MAST3: variants seen among roughly 807,000 people sequenced by gnomAD.
MAST3 encodes the protein microtubule-associated serine/threonine-protein kinase 3.
A neutral mutation model predicts 127.0 loss-of-function variants in MAST3; 43 were observed. The ratio of observed to expected loss-of-function variants is 0.34; its 90% CI spans 0.27 to 0.44. MAST3 has a LOEUF of 0.44. Among genes scored for constraint, MAST3 ranks in the 20% least tolerant of loss-of-function variants. The pLI is 1.00. For synonymous variants in MAST3, 785 were observed against 809.2 expected, an observed-to-expected ratio of 0.97 and a Z score of 0.51; for missense variants, 1,390 against 1,919.1, an observed-to-expected ratio of 0.72 and a Z score of 5.15.
chr19:18,102,179 C>CACCTTTTTTTT (rs2037690255), intron 1 of MAST3, among the ~76,000 whole-genome samples: 1 of 144,662 alleles, frequency 6.9e-6, no homozygotes, highest in Admixed American at 6.9e-5. Context: ...TGCGCCTGGC[C>CACCTTTTTTTT]TTTTTTTTTT....
intron 3 of MAST3, among the ~76,000 whole-genome samples, chr19:18,121,000 T>C (rs273480): frequency 0.94 from 142,678 of 152,200 alleles, 66,903 homozygotes; most frequent in East Asian, 0.96. Flanking sequence ...GGATTACAGG[T>C]GTGAGTCACC....
chr19:18,105,694 A>C (rs942849786), intron 1 of MAST3, among the ~76,000 whole-genome samples: 1 of 151,292 alleles, frequency 6.6e-6, no homozygotes, highest in African/African-American at 2.4e-5. Context: ...AAACAACAAC[A>C]AAAAAAAACC....
chr19:18,144,885 C>A lies in MAST3; in HGVS notation c.2813-118C>A. The A allele has an allele frequency of 1.2e-6, 1 of 860,244 alleles. No homozygotes were observed. The highest frequency in any genetic ancestry group is 1.9e-6 in the Non-Finnish European group (1 of 535,944). 53.3% of individuals were successfully genotyped at this position (860,244 alleles called of 1,614,324 possible). Reference sequence around the variant, plus strand: ...ACGTGCAAAGGCCTGGTGGGGTGACCATGCTTGGGACATTGAAGCAACAGC... The same window carrying A: ...ACGTGCAAAGGCCTGGTGGGGTGACAATGCTTGGGACATTGAAGCAACAGC... On this transcript the variant is annotated intron_variant, in intron 23 of 27. Coordinates refer to ENST00000687212, the MANE Select transcript of MAST3 (RefSeq NM_001393504.1). This position sits in a 1 kb window ranked among gnomAD's most constrained non-coding sequence, Gnocchi z 4.0.
chr19:18,127,790 T>C (rs910298990), intron 11 of MAST3, among the ~76,000 whole-genome samples: 7 of 152,012 alleles, frequency 4.6e-5, no homozygotes, highest in Non-Finnish European at 7.4e-5. Context: ...ACCCAAGAGG[T>C]GGAGGTTGCA....
chr19:18,136,161 T>G (rs996759277), intron 18 of MAST3, among the ~76,000 whole-genome samples: 1 of 152,192 alleles, frequency 6.6e-6, no homozygotes, highest in Non-Finnish European at 1.5e-5. Context: ...CCCAGCCACC[T>G]GGTTAATCAT....
chr19:18,124,578 C>T (rs1450637635), intron 10 of MAST3, 64 bp from the exon 11 acceptor site: 3 of 1,505,704 alleles, frequency 2.0e-6, no homozygotes, highest in Non-Finnish European at 2.7e-6. Context: ...GCAGAGGGAA[C>T]AGCATGTGCA....
chr19:18,143,508 A>T (rs1406154733), intron 21 of MAST3, among the ~76,000 whole-genome samples: 1 of 152,082 alleles, frequency 6.6e-6, no homozygotes, highest in Non-Finnish European at 1.5e-5. Context: ...CCCTGGAGGC[A>T]GTGGTTGTAG....
rs571989167 is a variant in MAST3 at position 18,119,528 on chromosome 19, T to C, written c.162-2157T>C. ...CAGTCTGGAAAATGGGCTCAGCTGG[T>C]CATTCCCAACTCTGGGGCTTGTTGG... On this transcript the variant is annotated intron_variant, in intron 3 of 27. Transcript: ENST00000687212. Among the ~76,000 whole-genome samples the C allele has an allele frequency of 4.6e-5, 7 of 152,354 alleles. No homozygotes were observed. The East Asian group carries it at 9.6e-4, about 21-fold the overall frequency.
chr19:18,097,867 G>A, intron 1 of MAST3, 36 bp downstream of exon 1: 3 of 1,227,710 alleles, frequency 2.4e-6, no homozygotes, highest in Non-Finnish European at 2.0e-6. Context: ...AAGGCAGAGG[G>A]CGCGGCCAAG....
In MAST3 at chr19:18,123,291, C is replaced by T. The variant is rs764116881; in HGVS notation, c.474C>T (p.Ser158=). ...QPTPDELHFL[S]KHFRSSENVL... is the part of the protein sequence containing the mutation. Reference sequence around the variant, plus strand: ...CGCCGGACGAGCTGCACTTCCTGTCCAAGCACTTCCGCAGCTCAGAGAATG... The same window carrying T: ...CGCCGGACGAGCTGCACTTCCTGTCTAAGCACTTCCGCAGCTCAGAGAATG... Residue 158 remains serine, a synonymous_variant, in exon 7 of 28, where the codon TCC becomes TCT. Coordinates refer to ENST00000687212, the MANE Select transcript of MAST3 (RefSeq NM_001393504.1). 7 of 1,613,760 alleles carry T rather than the reference C, an allele frequency of 4.3e-6. No individual in the cohort carries two copies. In the East Asian group the frequency reaches 1.6e-4, roughly 36 times the overall value.
chr19:18,123,799 T>C lies in MAST3; in HGVS notation c.634-140T>C, dbSNP rs896723842. Reference sequence around the variant, plus strand: ...CTTCCCCTTCCGTTGAAAGATGTCGTTCCTCCTGCACCAGCCCTCCCACCC... The same window carrying C: ...CTTCCCCTTCCGTTGAAAGATGTCGCTCCTCCTGCACCAGCCCTCCCACCC... On this transcript the variant is annotated intron_variant, in intron 8 of 27. Transcript: ENST00000687212. The C allele has an allele frequency of 4.5e-5, 48 of 1,065,726 alleles. No homozygotes were observed. The African/African-American group carries it at 6.8e-4, about 15-fold the overall frequency. 66.0% of individuals were successfully genotyped at this position (1,065,726 alleles called of 1,614,324 possible). A position where few individuals can be genotyped will look rare whatever the true frequency, so the allele number is the denominator to read the frequency against.
Position 18,145,499 on chromosome 19 carries a change from C to G in MAST3, c.3040-244C>G, listed in dbSNP as rs1032868310. 6.6e-6 allele frequency among the ~76,000 whole-genome samples: 1 copy of G among 152,216 alleles called. No homozygotes were observed. Among genetic ancestry groups the G allele is most frequent in the African/African-American group, 2.4e-5 (1 of 41,460 alleles). ...GGCATGTTATCCTCCCTCTCCCAGCCCAAGGGCGTCGAGGCATGCCCTCCC... is the reference window on the plus strand; with the variant it reads ...GGCATGTTATCCTCCCTCTCCCAGCGCAAGGGCGTCGAGGCATGCCCTCCC... On this transcript the variant is annotated intron_variant, in intron 24 of 27. Coordinates refer to ENST00000687212, the MANE Select transcript of MAST3 (RefSeq NM_001393504.1). This position sits in a 1 kb window ranked among gnomAD's most constrained non-coding sequence, Gnocchi z 5.9.
rs777998668 is a variant in MAST3 at position 18,143,757 on chromosome 19, C to T, written c.2340-6C>T. On this transcript the variant is annotated splice_polypyrimidine_tract_variant and splice_region_variant and intron_variant, in intron 21 of 27. Transcript: ENST00000687212. ...CAGGGGTGATGCAGGCTCTTCCTCC[C>T]TGCAGGCTGAGGTCCTGGACATCCT... The T allele has an allele frequency of 6.2e-7, 1 of 1,613,336 alleles. No individual in the cohort carries two copies. Among genetic ancestry groups the T allele is most frequent in the Admixed American group, 1.7e-5 (1 of 59,954 alleles).
At chr19:18,121,066 G>A (rs1379456780) in intron 3 of MAST3, among the ~76,000 whole-genome samples, 1 of 152,020 alleles carries the variant, frequency 6.6e-6, no homozygotes, top group Non-Finnish European at 1.5e-5. Context: ...ATGTTTACCA[G>A]GATGGTCTCA....
chr19:18,150,048 G>A lies in MAST3; in HGVS notation c.*322G>A, dbSNP rs1387957545. ...GTTGCCCGGGCTGGAGTGCAGCGGCGTGATCTCAGCTCACTGCAACCTCCG... is the reference window on the plus strand; with the variant it reads ...GTTGCCCGGGCTGGAGTGCAGCGGCATGATCTCAGCTCACTGCAACCTCCG... On this transcript the variant is annotated 3_prime_UTR_variant, in exon 28 of 28. Transcript: ENST00000687212. 1.8e-5 allele frequency: 5 copies of A among 279,374 alleles called. No individual in the cohort carries two copies. The highest frequency in any genetic ancestry group is 3.7e-5 in the South Asian group (1 of 27,090). The allele number at this position is 279,374 out of a possible 1,614,324, so 17.3% of individuals were successfully genotyped here. A position where few individuals can be genotyped will look rare whatever the true frequency, so the allele number is the denominator to read the frequency against.
Position 18,147,631 on chromosome 19 carries a change from G to A in MAST3, c.3508+7G>A, listed in dbSNP as rs1356707114. The stretch of plus-strand genomic sequence containing the variant: ...GCCCCTGATGTCCCAGCAGGTGGGT[G>A]CACCCCGACCCCCCACCACCCCGGC... On this transcript the variant is annotated splice_region_variant and intron_variant, in intron 27 of 27. Coordinates refer to ENST00000687212, the MANE Select transcript of MAST3 (RefSeq NM_001393504.1). The A allele has an allele frequency of 3.3e-6, 5 of 1,528,246 alleles. No individual in the cohort carries two copies. Among genetic ancestry groups the A allele is most frequent in the Non-Finnish European group, 4.4e-6 (5 of 1,133,468 alleles). 94.7% of individuals were successfully genotyped at this position (1,528,246 alleles called of 1,614,324 possible). A position where few individuals can be genotyped will look rare whatever the true frequency, so the allele number is the denominator to read the frequency against.
At chr19:18,141,496 C>T (rs982078637) in intron 20 of MAST3, among the ~76,000 whole-genome samples, 4 of 151,706 alleles carry the variant, frequency 2.6e-5, no homozygotes, top group Non-Finnish European at 5.9e-5. Flanking sequence ...CCTCAGCCTT[C>T]CAAGTAGCTG....
chr19:18,109,805 G>A (rs189614283), intron 2 of MAST3, among the ~76,000 whole-genome samples: 2 of 152,332 alleles, frequency 1.3e-5, no homozygotes, highest in Middle Eastern at 3.4e-3. Flanking sequence ...AGCGGGTTAG[G>A]ACCTCAGTGC....
intron 1 of MAST3, chr19:18,098,807 G>A (rs1354495823): frequency 2.2e-6 from 1 of 456,588 alleles, no homozygotes; most frequent in Admixed American, 2.4e-5. Flanking sequence ...GAGAGGCAGC[G>A]GAGTGTTCTG....
Sources: allele counts gnomAD v4.1 joint callset (sites outside exome capture counted in the v4.1 genomes callset), GRCh38; gene constraint gnomAD v4.1.1; non-coding constraint Gnocchi (gnomAD v3.1); transcripts MANE v1.5; gene names NCBI Gene and HGNC (gene_info 2026-07-23, HGNC 2026-07-21).